Variants in AFF2 observed in about 807,000 individuals in gnomAD.
The protein encoded by AFF2 is ALF transcription elongation factor 2, also known as AF4/FMR2 family member 2.
Under a neutral mutation model 76.9 loss-of-function variants are expected in AFF2, and 14 were observed. The ratio of observed to expected loss-of-function variants is 0.18; its 90% confidence interval spans 0.12 to 0.28. The LOEUF (loss-of-function observed/expected upper bound fraction) is 0.28, where lower values mean the gene tolerates loss of function less well. Among genes scored for constraint, AFF2 ranks in the 10% least tolerant of loss-of-function variants. The pLI, the probability that AFF2 is intolerant of heterozygous loss-of-function variation, is 1.00. For missense variants in AFF2, 868 were observed against 1,001.1 expected, an observed-to-expected ratio of 0.87 and a Z score of 1.79; for synonymous variants, 398 against 366.7, an observed-to-expected ratio of 1.09 and a Z score of -0.98.
At chrX:148,775,288 C>T (rs1209056314) in intron 3 of AFF2, among the ~76,000 whole-genome samples, 1 of 111,919 alleles carries the variant, frequency 8.9e-6, no homozygotes, top group East Asian at 2.8e-4. Context: ...AAAATTAGAA[C>T]TATCGAAACA....
chrX:148,928,507 A>G (rs2071677818), intron 9 of AFF2, among the ~76,000 whole-genome samples: 1 of 112,804 alleles, frequency 8.9e-6, no homozygotes. Context: ...AGAAGATGCC[A>G]CCCAAGACCA....
At chrX:148,808,598 TAAG>T (rs1215167587) in intron 3 of AFF2, among the ~76,000 whole-genome samples, 1 of 111,909 alleles carries the variant, frequency 8.9e-6, no homozygotes. Context: ...ATTACACAGA[TAAG>T]AAGTGTAACC....
chrX:148,751,261 C>T, intron 3 of AFF2, among the ~76,000 whole-genome samples: 1 of 112,339 alleles, frequency 8.9e-6, no homozygotes, highest in Middle Eastern at 4.6e-3. Context: ...ACTTTTGTAG[C>T]CAGTTTGAAA....
At chrX:148,688,414 C>T (rs2054619344) in intron 3 of AFF2, among the ~76,000 whole-genome samples, 1 of 111,601 alleles carries the variant, frequency 9.0e-6, no homozygotes, top group Non-Finnish European at 1.9e-5. Flanking sequence ...GGGAAGACTT[C>T]TCAAAGCAGG....
At chrX:148,754,794 C>T (rs1389260747) in intron 3 of AFF2, among the ~76,000 whole-genome samples, 1 of 111,807 alleles carries the variant, frequency 8.9e-6, no homozygotes, top group African/African-American at 3.3e-5. Flanking sequence ...TGTTGAGAGA[C>T]TGTTCAATTC....
chrX:148,606,789 A>G (rs1332389689), intron 1 of AFF2, among the ~76,000 whole-genome samples: 2 of 111,978 alleles, frequency 1.8e-5, no homozygotes, highest in African/African-American at 6.5e-5. Flanking sequence ...ACGTCAAATT[A>G]TGGTTGTACA....
chrX:148,962,316 G>T (rs1435113710), intron 12 of AFF2, among the ~76,000 whole-genome samples: 1 of 111,934 alleles, frequency 8.9e-6, no homozygotes, highest in Non-Finnish European at 1.9e-5. Context: ...TTAAGTCCTA[G>T]GGCAAAATAA....
In AFF2 at chrX:148,637,736, A is replaced by G. The variant is rs781974245; in HGVS notation, c.48-14263A>G. On this transcript the variant is annotated intron_variant, in intron 1 of 20. Transcript: ENST00000370460. The stretch of plus-strand genomic sequence containing the variant: ...ACATACTAAGCCTTTGAAATCTGTT[A>G]TATATTTTACACTTACAGTACATCT... Among the ~76,000 whole-genome samples the G allele has an allele frequency of 5.3e-5, 6 of 112,732 alleles. No homozygotes were observed. In the South Asian group the frequency reaches 2.2e-3, roughly 41 times the overall value.
intron 3 of AFF2, among the ~76,000 whole-genome samples, chrX:148,761,185 A>G (rs782240999): frequency 8.9e-6 from 1 of 112,360 alleles, no homozygotes; most frequent in South Asian, 3.7e-4. Context: ...CTCAATGTAC[A>G]AAAATATAGC....
chrX:148,839,264 T>C (rs1446377969), intron 5 of AFF2, among the ~76,000 whole-genome samples: 1 of 112,136 alleles, frequency 8.9e-6, no homozygotes, highest in East Asian at 2.8e-4. Flanking sequence ...GCAAGTGGAC[T>C]AAAATGGTGA....
At chrX:148,831,873 T>C (rs191705998) in intron 4 of AFF2, among the ~76,000 whole-genome samples, 11 of 111,980 alleles carry the variant, frequency 9.8e-5, no homozygotes, top group African/African-American at 3.2e-4. Context: ...TCAAACAAAT[T>C]AGGTTTTTCT....
intron 16 of AFF2, among the ~76,000 whole-genome samples, chrX:148,977,218 G>A (rs2072335986): frequency 8.9e-6 from 1 of 111,762 alleles, no homozygotes; most frequent in Non-Finnish European, 1.9e-5. Flanking sequence ...GCTCTGAATG[G>A]AATGTACTTG....
chrX:148,932,464 T>A (rs1321609466), intron 9 of AFF2, among the ~76,000 whole-genome samples: 1 of 111,896 alleles, frequency 8.9e-6, no homozygotes, highest in Non-Finnish European at 1.9e-5. Context: ...GCTCTTCCAA[T>A]TATAACTTGT....
intron 9 of AFF2, among the ~76,000 whole-genome samples, chrX:148,927,327 T>C (rs2071662676): frequency 8.9e-6 from 1 of 111,886 alleles, no homozygotes; most frequent in Non-Finnish European, 1.9e-5. Flanking sequence ...ATAATTTTCT[T>C]TTCTTATTTA....
chrX:148,651,005 G>T (rs1055951411), intron 1 of AFF2, among the ~76,000 whole-genome samples: 6 of 111,903 alleles, frequency 5.4e-5, no homozygotes, highest in African/African-American at 2.0e-4. Context: ...TTTGCTCAGT[G>T]TATATATACT....
Position 148,829,295 on chromosome X carries a change from G to C in AFF2, c.1087-8352G>C, listed in dbSNP as rs148906019. On this transcript the variant is annotated intron_variant, in intron 4 of 20. Transcript: ENST00000370460. ...ATGAGCACTTGCATGGAAATCAGAG[G>C]AGCAATCTCAGGAGACTGTCTTAAC... Among the ~76,000 whole-genome samples the C allele has an allele frequency of 5.3e-3, 595 of 112,064 alleles. 8 individuals carry two copies. The highest frequency in any genetic ancestry group is 0.019 in the African/African-American group (572 of 30,910).
intron 5 of AFF2, among the ~76,000 whole-genome samples, chrX:148,840,539 A>G (rs2070586510): frequency 8.9e-6 from 1 of 112,569 alleles, no homozygotes; most frequent in South Asian, 3.6e-4. Flanking sequence ...TTTTAGGATT[A>G]TTGTCAAGGC....
chrX:148,787,599 A>G (rs1368910998), intron 3 of AFF2, among the ~76,000 whole-genome samples: 21 of 112,008 alleles, frequency 1.9e-4, no homozygotes, highest in African/African-American at 5.8e-4. Flanking sequence ...TCTTCATTAT[A>G]GTTTCAGTTC....
intron 1 of AFF2, among the ~76,000 whole-genome samples, chrX:148,579,356 C>A: frequency 9.0e-6 from 1 of 111,552 alleles, no homozygotes; most frequent in Middle Eastern, 4.6e-3. Flanking sequence ...GTAGTGCACA[C>A]ATCTATAGGG....
Sources: gnomAD v4.1 joint callset for allele counts (sites outside exome capture counted in the v4.1 genomes callset) on GRCh38, gnomAD v4.1.1 for gene constraint, MANE v1.5 for transcripts, NCBI Gene and HGNC (gene_info 2026-07-23, HGNC 2026-07-21) for gene names.